Variants in FZD3 observed in about 807,000 individuals in gnomAD.
FZD3 encodes frizzled class receptor 3.
Under a neutral mutation model 60.7 loss-of-function variants are expected in FZD3, and 30 were observed. The ratio of observed to expected loss-of-function variants is 0.49; its 90% CI spans 0.37 to 0.67. The LOEUF is 0.67. Among genes scored for constraint, FZD3 ranks in the 30% least tolerant of loss-of-function variants. The probability of loss-of-function intolerance (pLI) is 0.00; values close to 1 mark genes in which losing one functional copy is unlikely to be tolerated. For synonymous variants in FZD3, 246 were observed against 275.2 expected (o/e 0.89, Z 1.05); for missense variants, 605 against 838.7 (o/e 0.72, Z 3.44).
At chr8:28,512,167 T>G (rs1183152734) in intron 3 of FZD3, among the ~76,000 whole-genome samples, 1 of 152,190 alleles carries the variant, frequency 6.6e-6, no homozygotes, top group African/African-American at 2.4e-5. Flanking sequence ...TCAAAGTGAC[T>G]TGAATTCAAC....
chr8:28,501,927 T>C (rs911869742), intron 2 of FZD3, among the ~76,000 whole-genome samples: 37 of 152,364 alleles, frequency 2.4e-4, no homozygotes, highest in African/African-American at 7.7e-4. Context: ...GATTTCCTAA[T>C]ATTTTAGAAC....
At chr8:28,537,911 G>A (rs1805059341) in intron 5 of FZD3, among the ~76,000 whole-genome samples, 1 of 152,108 alleles carries the variant, frequency 6.6e-6, no homozygotes, top group South Asian at 2.1e-4. Context: ...GAGGTCAGGA[G>A]TTCAAGACTA....
intron 5 of FZD3, among the ~76,000 whole-genome samples, chr8:28,535,124 G>A (rs2130405651): frequency 6.6e-6 from 1 of 152,288 alleles, no homozygotes; most frequent in Non-Finnish European, 1.5e-5. Context: ...ATTGGGTTTA[G>A]TGCAAATTGC....
intron 3 of FZD3, among the ~76,000 whole-genome samples, chr8:28,504,696 A>G (rs555677841): frequency 6.6e-6 from 1 of 152,366 alleles, no homozygotes; most frequent in Admixed American, 6.5e-5. Flanking sequence ...AGCTAGCACA[A>G]TGCATCATAC....
At chr8:28,499,653 C>G (rs1251403916) in intron 1 of FZD3, among the ~76,000 whole-genome samples, 1 of 151,822 alleles carries the variant, frequency 6.6e-6, no homozygotes, top group African/African-American at 2.4e-5. Flanking sequence ...TGAAGGTGTT[C>G]TTTACCCTGT....
rs1428863609 is a variant in FZD3 at position 28,571,106 on chromosome 8, A to G, written c.*8095A>G. 2 of 151,942 alleles carry G rather than the reference A, an allele frequency of 1.3e-5. No individual in the cohort carries two copies. Among genetic ancestry groups the G allele is most frequent in the East Asian group, 1.9e-4 (1 of 5,192 alleles). 9.4% of individuals were successfully genotyped at this position (151,942 alleles called of 1,614,324 possible). A position where few individuals can be genotyped will look rare whatever the true frequency, so the allele number is the denominator to read the frequency against. ...TTTGTGATCACATTTGTTAAATTGA[A>G]TCTGAGATTCAAATATTTCATTTAA... On this transcript the variant is annotated 3_prime_UTR_variant, in exon 8 of 8. Transcript: ENST00000240093.
intron 6 of FZD3, 109 bp from the exon 7 acceptor site, chr8:28,555,628 AT>A (rs1433278421): frequency 1.4e-6 from 1 of 695,406 alleles, no homozygotes; most frequent in Non-Finnish European, 2.6e-6. Flanking sequence ...TATAGATCTA[AT>A]TTGGCAAGCA....
Position 28,564,725 on chromosome 8 carries a change from G to A in FZD3, c.*1714G>A, listed in dbSNP as rs1304012077. ...AAAAATACCGCAGGTGATTCTTACGGAGGTAATCCAAGAATCATACTTTGA... is the reference window on the plus strand; with the variant it reads ...AAAAATACCGCAGGTGATTCTTACGAAGGTAATCCAAGAATCATACTTTGA... On this transcript the variant is annotated 3_prime_UTR_variant, in exon 8 of 8. Coordinates refer to ENST00000240093, the MANE Select transcript of FZD3 (RefSeq NM_017412.4). 1 of 152,186 alleles carries A rather than the reference G, an allele frequency of 6.6e-6. No homozygotes were observed. Among genetic ancestry groups the A allele is most frequent in the Non-Finnish European group, 1.5e-5 (1 of 68,040 alleles). The allele number at this position is 152,186 out of a possible 1,614,324, so 9.4% of individuals were successfully genotyped here.
At chr8:28,494,932 C>T (rs1050416816) in intron 1 of FZD3, among the ~76,000 whole-genome samples, 4 of 152,174 alleles carry the variant, frequency 2.6e-5, no homozygotes, top group Admixed American at 2.0e-4. Context: ...TTTCCCCTCC[C>T]GTCCATCAGT....
rs1805644582 is a variant in FZD3, at chr8:28,563,070, C to T, written c.*59C>T. ...TTAAAAAGCAGATTTTATTCTTTGC[C>T]TTTTGCATGACTGATAGCTGTAACT... On this transcript the variant is annotated 3_prime_UTR_variant, in exon 8 of 8. Transcript: ENST00000240093. 7.0e-6 allele frequency: 8 copies of T among 1,136,986 alleles called. No homozygotes were observed. Among genetic ancestry groups the T allele is most frequent in the Non-Finnish European group, 1.1e-5 (8 of 747,750 alleles). 70.4% of individuals were successfully genotyped at this position (1,136,986 alleles called of 1,614,324 possible).
At chr8:28,554,516 T>G (rs1805469690) in intron 6 of FZD3, among the ~76,000 whole-genome samples, 1 of 152,224 alleles carries the variant, frequency 6.6e-6, no homozygotes, top group South Asian at 2.1e-4. Context: ...ACTTTAAATT[T>G]AAGTTTGATC....
At chr8:28,503,585 C>T (rs1012303073) in intron 3 of FZD3, among the ~76,000 whole-genome samples, 2 of 152,172 alleles carry the variant, frequency 1.3e-5, no homozygotes, top group African/African-American at 4.8e-5. Flanking sequence ...TTGAATTTTT[C>T]AGTGGTAATT....
At chr8:28,511,698 A>T (rs1804295728) in intron 3 of FZD3, among the ~76,000 whole-genome samples, 1 of 152,158 alleles carries the variant, frequency 6.6e-6, no homozygotes, top group African/African-American at 2.4e-5. Flanking sequence ...TATTTCCTTA[A>T]GAAATCTGGG....
Position 28,536,564 on chromosome 8 carries a change from C to A in FZD3, c.1404+8400C>A, listed in dbSNP as rs111526099. Among the ~76,000 whole-genome samples, 5 of 152,022 alleles carry A rather than the reference C, an allele frequency of 3.3e-5. No individual in the cohort carries two copies. In the South Asian group the frequency reaches 1.0e-3, roughly 31 times the overall value. The stretch of plus-strand genomic sequence containing the variant: ...CTGTACTAAAAATACAAAAATTAGC[C>A]GGGCTGTGGTGGCACACGCCTATAA... On this transcript the variant is annotated intron_variant, in intron 5 of 7. Transcript: ENST00000240093.
chr8:28,548,402 G>A (rs2130451016), intron 5 of FZD3, among the ~76,000 whole-genome samples: 1 of 152,226 alleles, frequency 6.6e-6, no homozygotes, highest in African/African-American at 2.4e-5. Flanking sequence ...CTGGGCTCAA[G>A]CGAACCACCT....
At chr8:28,553,739 A>T (rs1224317652) in intron 6 of FZD3, among the ~76,000 whole-genome samples, 1 of 152,152 alleles carries the variant, frequency 6.6e-6, no homozygotes, top group African/African-American at 2.4e-5. Flanking sequence ...GCAGCCCCTT[A>T]TTCTGGCATT....
rs74611544 is a variant in FZD3 at position 28,537,971 on chromosome 8, G to T, written c.1404+9807G>T. On this transcript the variant is annotated intron_variant, in intron 5 of 7. Transcript: ENST00000240093. ...GACTCTACTAAAAATACAAAAATTA[G>T]CTGGGCGTGGTGGCGGGCGCCTGTA... is the stretch of plus-strand genomic sequence containing the variant. Among the ~76,000 whole-genome samples the T allele has an allele frequency of 4.6e-3, 707 of 152,056 alleles. 24 individuals are homozygous for T. In the East Asian group the frequency reaches 0.09, roughly 19 times the overall value.
At position 28,551,587 on chromosome 8, in the gene FZD3, C is replaced by T; in HGVS notation, c.1405-16C>T. On this transcript the variant is annotated splice_polypyrimidine_tract_variant and intron_variant, in intron 5 of 7. Coordinates refer to ENST00000240093, the MANE Select transcript of FZD3 (RefSeq NM_017412.4). ...ATTTTTATATATTTAAGATGCTTTTCTTTCTGTTCTTCCAGGTTACTCAAA... is the reference window on the plus strand; with the variant it reads ...ATTTTTATATATTTAAGATGCTTTTTTTTCTGTTCTTCCAGGTTACTCAAA... 6.4e-7 allele frequency: 1 copy of T among 1,559,512 alleles called. No homozygotes were observed. Among genetic ancestry groups the T allele is most frequent in the Non-Finnish European group, 8.8e-7 (1 of 1,139,924 alleles).
At chr8:28,507,075 T>C (rs1372852216) in intron 3 of FZD3, among the ~76,000 whole-genome samples, 1 of 152,222 alleles carries the variant, frequency 6.6e-6, no homozygotes, top group Non-Finnish European at 1.5e-5. Flanking sequence ...TTTCAAAATA[T>C]ATGAACACAA....
Sources: gnomAD v4.1 joint callset for allele counts (sites outside exome capture counted in the v4.1 genomes callset) on GRCh38, gnomAD v4.1.1 for gene constraint, MANE v1.5 for transcripts, NCBI Gene and HGNC (gene_info 2026-07-23, HGNC 2026-07-21) for gene names.